CCSER1: variants seen among roughly 807,000 people sequenced by gnomAD.
CCSER1 encodes coiled-coil serine rich protein 1.
In CCSER1, 41 loss-of-function variants were observed where a neutral mutation model predicts 82.0. That is an observed-to-expected ratio of 0.50 (90% CI 0.39 to 0.65). The LOEUF is 0.65. Ranked by LOEUF, CCSER1 falls within the 30% of genes least tolerant of loss-of-function variation. CCSER1 has a pLI of 0.00. For synonymous variants in CCSER1, 414 were observed against 383.9 expected (o/e 1.08, Z -0.92); for missense variants, 1,119 against 1,064.2 (o/e 1.05, Z -0.72).
At chr4:91,178,727 T>A (rs1467806194) in intron 10 of CCSER1, among the ~76,000 whole-genome samples, 1 of 152,188 alleles carries the variant, frequency 6.6e-6, no homozygotes, top group Non-Finnish European at 1.5e-5. Context: ...GTCTCCTGTA[T>A]ACAGCTCACT....
In CCSER1 at chr4:90,845,232, C is replaced by T. The variant is rs368482847; in HGVS notation, c.2094+29387C>T. Among the ~76,000 whole-genome samples, 94 of 151,848 alleles carry T rather than the reference C, an allele frequency of 6.2e-4. 2 individuals carry two copies. Among genetic ancestry groups the T allele is most frequent in the African/African-American group, 2.1e-3 (86 of 41,396 alleles). ...AAAAAATTAGCCTGGCGTGGTGACA[C>T]GCGCCTGTAATCCCAGCTACTAGGG... is the stretch of plus-strand genomic sequence containing the variant. On this transcript the variant is annotated intron_variant, in intron 8 of 10. Transcript: ENST00000509176.
At chr4:91,302,530 A>T (rs561008490) in intron 10 of CCSER1, among the ~76,000 whole-genome samples, 1 of 152,146 alleles carries the variant, frequency 6.6e-6, no homozygotes, top group East Asian at 1.9e-4. Flanking sequence ...CAGGGGCATT[A>T]TATTTTTAAA....
intron 7 of CCSER1, among the ~76,000 whole-genome samples, chr4:90,771,623 T>C (rs1169915234): frequency 6.6e-6 from 1 of 150,814 alleles, no homozygotes; most frequent in East Asian, 1.9e-4. Flanking sequence ...AGTGAGATAC[T>C]ATTTTTATTA....
chr4:91,285,588 A>T (rs1425253819), intron 10 of CCSER1, among the ~76,000 whole-genome samples: 1 of 151,888 alleles, frequency 6.6e-6, no homozygotes, highest in Non-Finnish European at 1.5e-5. Context: ...AAAAACAAAA[A>T]GATGTATGAT....
At chr4:91,320,691 G>C (rs1342828340) in intron 10 of CCSER1, among the ~76,000 whole-genome samples, 1 of 152,014 alleles carries the variant, frequency 6.6e-6, no homozygotes, top group African/African-American at 2.4e-5. Flanking sequence ...CTGTGCACCA[G>C]TTACAGGTGA....
intron 7 of CCSER1, among the ~76,000 whole-genome samples, chr4:90,762,660 C>T (rs1343793301): frequency 6.6e-5 from 10 of 152,074 alleles, no homozygotes; most frequent in Admixed American, 5.3e-4. Flanking sequence ...TAGATAAAAG[C>T]CCCAAATCCT....
chr4:91,277,578 C>G (rs185559288), intron 10 of CCSER1, among the ~76,000 whole-genome samples: 401 of 36,436 alleles, frequency 0.011, 3 homozygotes, highest in African/African-American at 0.042. Flanking sequence ...TCCTCTTTTT[C>G]TTGGTTAGTC....
chr4:91,113,865 T>G (rs200272654), intron 10 of CCSER1, among the ~76,000 whole-genome samples: 1 of 146,892 alleles, frequency 6.8e-6, no homozygotes. Context: ...TTTTTTTTTC[T>G]TTTTTGATAC....
chr4:91,151,856 T>G (rs1402643930), intron 10 of CCSER1, among the ~76,000 whole-genome samples: 1 of 152,202 alleles, frequency 6.6e-6, no homozygotes, highest in African/African-American at 2.4e-5. Context: ...TTATAATTTC[T>G]GTTCTTTTCC....
intron 10 of CCSER1, among the ~76,000 whole-genome samples, chr4:91,317,581 A>G (rs1253841829): frequency 7.4e-6 from 1 of 135,296 alleles, no homozygotes; most frequent in East Asian, 2.6e-4. Context: ...TAGGAAACAA[A>G]GTATATACGT....
chr4:91,489,239 A>G (rs1758380793), intron 10 of CCSER1, among the ~76,000 whole-genome samples: 1 of 152,204 alleles, frequency 6.6e-6, no homozygotes, highest in Non-Finnish European at 1.5e-5. Context: ...GTATTGGGGT[A>G]GAATATGAGG....
chr4:90,278,155 C>A (rs1200759277), intron 1 of CCSER1, among the ~76,000 whole-genome samples: 2 of 152,034 alleles, frequency 1.3e-5, no homozygotes, highest in African/African-American at 4.8e-5. Flanking sequence ...ATCAGAATGG[C>A]TTCTGTTGAA....
intron 10 of CCSER1, among the ~76,000 whole-genome samples, chr4:91,562,963 A>C (rs1762722214): frequency 6.6e-6 from 1 of 151,638 alleles, no homozygotes; most frequent in Non-Finnish European, 1.5e-5. Flanking sequence ...TGTTCATGCC[A>C]AACTCAATAT....
At chr4:90,323,704 A>G (rs537953976) in intron 3 of CCSER1, among the ~76,000 whole-genome samples, 1 of 152,108 alleles carries the variant, frequency 6.6e-6, no homozygotes, top group South Asian at 2.1e-4. Context: ...GTTTTAGAGT[A>G]CATGTGCACA....
chr4:90,360,455 T>C (rs1213353351), intron 3 of CCSER1, among the ~76,000 whole-genome samples: 1 of 148,992 alleles, frequency 6.7e-6, no homozygotes, highest in African/African-American at 2.5e-5. Flanking sequence ...GGCAGGAGAA[T>C]GGGGAGACTG....
chr4:91,093,476 C>T (rs12646841), intron 10 of CCSER1, among the ~76,000 whole-genome samples: 17,280 of 152,218 alleles, frequency 0.11, 1,217 homozygotes, highest in East Asian at 0.27. Context: ...CCCATGGTGT[C>T]CTTTGGTATT....
rs536875210 is a variant in CCSER1, at chr4:90,874,666, T to C, written c.2095-48704T>C. 2.0e-4 allele frequency among the ~76,000 whole-genome samples: 31 copies of C among 152,318 alleles called. 2 individuals carry two copies. In the South Asian group the frequency reaches 6.4e-3, roughly 32 times the overall value. ...ATAGATGACTTTTGTATTCATAAGT[T>C]GATTTTCTTTAAAGGAAATACTAAT... is the stretch of plus-strand genomic sequence containing the variant. On this transcript the variant is annotated intron_variant, in intron 8 of 10. Coordinates refer to ENST00000509176, the MANE Select transcript of CCSER1 (RefSeq NM_001145065.2).
At chr4:90,646,912 C>T (rs1727707775) in intron 6 of CCSER1, among the ~76,000 whole-genome samples, 1 of 152,114 alleles carries the variant, frequency 6.6e-6, no homozygotes, top group Non-Finnish European at 1.5e-5. Flanking sequence ...TTTCCTTACA[C>T]AGAACGCAAA....
chr4:90,861,560 C>T (rs1341783097), intron 8 of CCSER1, among the ~76,000 whole-genome samples: 2 of 151,490 alleles, frequency 1.3e-5, no homozygotes, highest in Admixed American at 6.6e-5. Context: ...TAGAAAAGGC[C>T]GTTGATTACT....
Sources: allele counts gnomAD v4.1 joint callset (sites outside exome capture counted in the v4.1 genomes callset), GRCh38; gene constraint gnomAD v4.1.1; transcripts MANE v1.5; gene names NCBI Gene and HGNC (gene_info 2026-07-23, HGNC 2026-07-21).